Variants in SYNPO2L observed in about 807,000 individuals in gnomAD.
SYNPO2L encodes synaptopodin 2 like.
Under a neutral mutation model 47.5 loss-of-function variants are expected in SYNPO2L, and 34 were observed. That is an observed-to-expected ratio of 0.72 (90% CI 0.54 to 0.95). SYNPO2L has a LOEUF of 0.95. SYNPO2L is among the 40% of genes least tolerant of loss of function. The pLI is 0.00. For synonymous variants in SYNPO2L, 536 were observed against 524.9 expected (o/e 1.02, Z -0.29); for missense variants, 1,246 against 1,282.0 (o/e 0.97, Z 0.43).
chr10:73,646,408 C>T lies in SYNPO2L; in HGVS notation c.*310G>A. ...AAAATGAGGCCCAGGGAGAAAAGCA[C>T]AAATGTCAAGGAAGAGAGATCTGTG... On this transcript the variant is annotated 3_prime_UTR_variant, in exon 4 of 4. Transcript: ENST00000394810. The T allele has an allele frequency of 1.8e-6, 2 of 1,087,518 alleles. No individual in the cohort carries two copies. The highest frequency in any genetic ancestry group is 2.2e-6 in the Non-Finnish European group (2 of 897,484). The allele number at this position is 1,087,518 out of a possible 1,614,324, so 67.4% of individuals were successfully genotyped here.
In SYNPO2L at chr10:73,646,761, C is replaced by T. The variant is rs776990177; in HGVS notation, c.2891G>A (p.Gly964Glu). 2.0e-6 allele frequency: 3 copies of T among 1,516,274 alleles called. No individual in the cohort carries two copies. The Admixed American group carries it at 6.8e-5, about 34-fold the overall frequency. 93.9% of individuals were successfully genotyped at this position (1,516,274 alleles called of 1,614,324 possible). A position where few individuals can be genotyped will look rare whatever the true frequency, so the allele number is the denominator to read the frequency against. Residue 964 changes from glycine to glutamate, a missense_variant, in exon 4 of 4, where the codon GGA (glycine) becomes GAA (glutamate). By Grantham distance (98) the Gly-to-Glu change is moderately conservative. This residue lies in a region of SYNPO2L where 1,037 missense variants were observed against 1,021.5 expected (regional missense o/e 1.02). Coordinates refer to ENST00000394810, the MANE Select transcript of SYNPO2L (RefSeq NM_001114133.3). The stretch of plus-strand genomic sequence containing the variant: ...AGGCCTCCACACATGAGCTTGCAAT[C>T]CTGTTCTGGTGGCTGAAAATCGGGG... ...ARPRFSATRT[G>E]LQAHVWRPGA...
chr10:73,650,166 GA>G, intron 3 of SYNPO2L: 1 of 985,404 alleles, frequency 1.0e-6, no homozygotes, highest in Non-Finnish European at 1.2e-6. Context: ...AGTTCCTCCT[GA>G]AAAATTATTG....
chr10:73,647,652 C>T lies in SYNPO2L; in HGVS notation c.2000G>A (p.Gly667Asp), dbSNP rs772277925. The change falls in exon 4 of 4, where the codon GGT (glycine) becomes GAT (aspartate). Residue 667 changes from glycine (G) to aspartate (D), a missense_variant. This residue lies in a region of SYNPO2L where 1,037 missense variants were observed against 1,021.5 expected (regional missense o/e 1.02). Coordinates refer to ENST00000394810, the MANE Select transcript of SYNPO2L (RefSeq NM_001114133.3). ...QNLDEKPRAG[G>D]AESGPEEDAL... ...ATCTTCTTCAGGACCAGATTCTGCACCCCCGGCCCGAGGCTTTTCATCCAG... is the reference window on the plus strand; with the variant it reads ...ATCTTCTTCAGGACCAGATTCTGCATCCCCGGCCCGAGGCTTTTCATCCAG... The T allele has an allele frequency of 3.7e-6, 6 of 1,614,032 alleles. No homozygotes were observed. In the Admixed American group the frequency reaches 6.7e-5, roughly 18 times the overall value.
chr10:73,653,209 C>T lies in SYNPO2L; in HGVS notation c.702G>A (p.Met234Ile). The change falls in exon 3 of 4, where the codon ATG becomes ATA. Residue 234 changes from methionine (M) to isoleucine (I), a missense_variant. Around this residue, in one of 3 missense-constraint regions of SYNPO2L, gnomAD observed 1,037 missense variants for 1,021.5 expected, o/e 1.02. Coordinates refer to ENST00000394810, the MANE Select transcript of SYNPO2L (RefSeq NM_001114133.3). ...PLRPGPHLIP[M>I]VGPVPHPVAE... ...CCACTGGGTGGGGAACAGGCCCCACCATAGGGATGAGATGAGGACCAGGTC... is the reference window on the plus strand; with the variant it reads ...CCACTGGGTGGGGAACAGGCCCCACTATAGGGATGAGATGAGGACCAGGTC... The T allele has an allele frequency of 6.7e-7, 1 of 1,490,534 alleles. No individual in the cohort carries two copies. The highest frequency in any genetic ancestry group is 9.0e-7 in the Non-Finnish European group (1 of 1,115,280). 92.3% of individuals were successfully genotyped at this position (1,490,534 alleles called of 1,614,324 possible).
At chr10:73,653,984 G>T in intron 2 of SYNPO2L, 145 bp downstream of exon 2, 1 of 1,119,576 alleles carries the variant, frequency 8.9e-7, no homozygotes, top group Non-Finnish European at 1.3e-6. Context: ...CTGGGAGGCA[G>T]ACACAAACCA....
In SYNPO2L at chr10:73,653,166, T is replaced by A. The variant is rs568841082; in HGVS notation, c.745A>T (p.Thr249Ser). The change falls in exon 3 of 4, where the codon ACC (threonine) becomes TCC (serine). Residue 249 changes from threonine (T) to serine (S), a missense_variant. Thr to Ser is a moderately conservative substitution (Grantham distance 58). This residue lies in a region of SYNPO2L where 1,037 missense variants were observed against 1,021.5 expected (regional missense o/e 1.02). Transcript: ENST00000394810. ...PHPVAEDLTT[T>S]YTQKAKQAKL... ...GCTTGCTTGGCCTTCTGGGTGTAGGTGGTAGTAAGATCTTCTGCCACTGGG... is the reference window on the plus strand; with the variant it reads ...GCTTGCTTGGCCTTCTGGGTGTAGGAGGTAGTAAGATCTTCTGCCACTGGG... 1.4e-5 allele frequency: 21 copies of A among 1,452,132 alleles called. No individual in the cohort carries two copies. In the East Asian group the frequency reaches 3.0e-4, roughly 21 times the overall value. The allele number at this position is 1,452,132 out of a possible 1,614,324, so 90.0% of individuals were successfully genotyped here.
In SYNPO2L at chr10:73,648,009, C is replaced by T; in HGVS notation, c.1643G>A (p.Ser548Asn). ...PRSSGPVTAT[S>N]SLYIPAPSRP... ...ACTAGGGGCTGGGATGTACAGGGAG[C>T]TGGTGGCTGTCACAGGGCCCGAGGA... Residue 548 changes from serine to asparagine, a missense_variant, in exon 4 of 4, where the codon AGC becomes AAC. Around this residue, in one of 3 missense-constraint regions of SYNPO2L, gnomAD observed 1,037 missense variants for 1,021.5 expected, o/e 1.02. Coordinates refer to ENST00000394810, the MANE Select transcript of SYNPO2L (RefSeq NM_001114133.3). 2.5e-6 allele frequency: 4 copies of T among 1,581,428 alleles called. No homozygotes were observed. The highest frequency in any genetic ancestry group is 2.6e-6 in the Non-Finnish European group (3 of 1,164,996).
Position 73,647,236 on chromosome 10 carries a change from G to A in SYNPO2L, c.2416C>T (p.Arg806Cys). The A allele has an allele frequency of 1.9e-6, 3 of 1,614,000 alleles. No individual in the cohort carries two copies. The highest frequency in any genetic ancestry group is 1.7e-6 in the Non-Finnish European group (2 of 1,179,974). Residue 806 changes from arginine (R) to cysteine (C), a missense_variant, in exon 4 of 4, where the codon CGT becomes TGT. Physicochemically the swap from Arg to Cys is radical, Grantham distance 180 (BLOSUM62 -3). Coordinates refer to ENST00000394810, the MANE Select transcript of SYNPO2L (RefSeq NM_001114133.3). ...TTGTAAGCAATAGGAGGCGGGGCAC[G>A]GATGTTGGGTGAATATTTCCAGGAA... is the stretch of plus-strand genomic sequence containing the variant. ...PPSWKYSPNI[R>C]APPPIAYNPL... is the part of the protein sequence containing the mutation.
At chr10:73,654,543 A>C (rs886582632) in intron 1 of SYNPO2L, among the ~76,000 whole-genome samples, 6 of 152,136 alleles carry the variant, frequency 3.9e-5, no homozygotes, top group Non-Finnish European at 7.4e-5. Context: ...GGGGTAGGTA[A>C]CTAGAAATGG....
At chr10:73,651,326 T>C (rs2081839897) in intron 3 of SYNPO2L, among the ~76,000 whole-genome samples, 2 of 152,072 alleles carry the variant, frequency 1.3e-5, no homozygotes, top group South Asian at 2.1e-4. Flanking sequence ...GAGGAAAGCA[T>C]AGGATCCTAG....
rs769783352 is a variant in SYNPO2L, at chr10:73,648,131, G to A, written c.1521C>T (p.Pro507=). Residue 507 remains proline, a synonymous_variant, in exon 4 of 4, where the codon CCC becomes CCT. Transcript: ENST00000394810. ...DSLGGLSPAP[P]PFLSSQGPTP... ...TGGGCCCCTGCGAAGACAAGAAGGG[G>A]GGTGGGGCGGGGCTGAGGCCCCCCA... The A allele has an allele frequency of 6.5e-7, 1 of 1,538,990 alleles. No individual in the cohort carries two copies. Among genetic ancestry groups the A allele is most frequent in the African/African-American group, 1.4e-5 (1 of 72,982 alleles).
At chr10:73,655,441 A>G (rs2081871125) in intron 1 of SYNPO2L, among the ~76,000 whole-genome samples, 1 of 152,072 alleles carries the variant, frequency 6.6e-6, no homozygotes, top group Admixed American at 6.6e-5. Context: ...ATCACATATC[A>G]GTTTAGTCAG....
chr10:73,653,496 C>T lies in SYNPO2L; in HGVS notation c.415G>A (p.Gly139Arg), dbSNP rs765646688. The change falls in exon 3 of 4, where the codon GGA (glycine) becomes AGA (arginine). Residue 139 changes from glycine to arginine, a missense_variant. Physicochemically the swap from Gly to Arg is moderately radical, Grantham distance 125. Transcript: ENST00000394810. ...RSPPDSEAYY[G>R]ETDSDADGPA... Reference sequence around the variant, plus strand: ...CCATCAGCATCACTGTCAGTCTCTCCGTAGTAAGCCTCACTATCAGGAGGT... The same window carrying T: ...CCATCAGCATCACTGTCAGTCTCTCTGTAGTAAGCCTCACTATCAGGAGGT... The T allele has an allele frequency of 7.1e-6, 11 of 1,551,762 alleles. No individual in the cohort carries two copies. The highest frequency in any genetic ancestry group is 1.7e-4 in the Middle Eastern group (1 of 5,992).
At chr10:73,652,297 C>G (rs1206015309) in intron 3 of SYNPO2L, among the ~76,000 whole-genome samples, 2 of 151,912 alleles carry the variant, frequency 1.3e-5, no homozygotes, top group Non-Finnish European at 2.9e-5. Context: ...GGACCATAGA[C>G]ATGTGCCACA....
At chr10:73,650,875 C>A in intron 3 of SYNPO2L, 1 of 1,578,888 alleles carries the variant, frequency 6.3e-7, no homozygotes, top group South Asian at 1.2e-5. Flanking sequence ...CCATTCTAGA[C>A]CCCAGACTCT....
chr10:73,648,181 C>T lies in SYNPO2L; in HGVS notation c.1471G>A (p.Ala491Thr). 1 of 1,564,668 alleles carries T rather than the reference C, an allele frequency of 6.4e-7. No individual in the cohort carries two copies. The highest frequency in any genetic ancestry group is 8.6e-7 in the Non-Finnish European group (1 of 1,157,474). The change falls in exon 4 of 4, where the codon GCC (alanine) becomes ACC (threonine). Residue 491 changes from alanine to threonine, a missense_variant. Ala to Thr is a moderately conservative substitution (Grantham distance 58). Coordinates refer to ENST00000394810, the MANE Select transcript of SYNPO2L (RefSeq NM_001114133.3). ...TTTSVIFRPL[A>T]PKRANDSLGG... ...AGGCTGTCGTTCGCCCTTTTGGGGG[C>T]TAAAGGCCGGAAAATAACCGAGGTG...
chr10:73,652,066 C>CAAAAA (rs1178972762), intron 3 of SYNPO2L, among the ~76,000 whole-genome samples: 2 of 47,800 alleles, frequency 4.2e-5, no homozygotes, highest in East Asian at 5.0e-4. Context: ...GACTCTATCT[C>CAAAAA]AAAAAAAAAA....
intron 3 of SYNPO2L, chr10:73,650,129 A>G (rs1382979359): frequency 1.0e-6 from 1 of 985,326 alleles, no homozygotes; most frequent in Non-Finnish European, 1.2e-6. Flanking sequence ...CGCCTTGCAC[A>G]TGGATACTCT....
Position 73,647,944 on chromosome 10 carries a change from G to A in SYNPO2L, c.1708C>T (p.Pro570Ser). Reference sequence around the variant, plus strand: ...GAGGTCATGGCAGCTGCGCTAGGAGGAGCGGGGGGCTCTGGAGCTCCACCT... The same window carrying A: ...GAGGTCATGGCAGCTGCGCTAGGAGAAGCGGGGGGCTCTGGAGCTCCACCT... Reference protein sequence around the residue: ...TPGGAPEPPAPPSAAAMTSTA... With the variant: ...TPGGAPEPPASPSAAAMTSTA... Residue 570 changes from proline (P) to serine (S), a missense_variant, in exon 4 of 4, where the codon CCT becomes TCT. This residue lies in a region of SYNPO2L where 1,037 missense variants were observed against 1,021.5 expected (regional missense o/e 1.02). Coordinates refer to ENST00000394810, the MANE Select transcript of SYNPO2L (RefSeq NM_001114133.3). The A allele has an allele frequency of 1.3e-6, 2 of 1,531,446 alleles. No homozygotes were observed. The highest frequency in any genetic ancestry group is 1.8e-6 in the Non-Finnish European group (2 of 1,142,198). 94.9% of individuals were successfully genotyped at this position (1,531,446 alleles called of 1,614,324 possible). A position where few individuals can be genotyped will look rare whatever the true frequency, so the allele number is the denominator to read the frequency against.
Sources: gnomAD v4.1 joint callset for allele counts (sites outside exome capture counted in the v4.1 genomes callset) on GRCh38, gnomAD v4.1.1 for gene constraint, gnomAD v4.1.1 regional missense constraint, MANE v1.5 for transcripts, NCBI Gene and HGNC (gene_info 2026-07-23, HGNC 2026-07-21) for gene names.